Variants in TMEM129 observed in about 807,000 individuals in gnomAD.
TMEM129 encodes E3 ubiquitin-protein ligase TM129.
In TMEM129, 35 loss-of-function variants were observed where a neutral mutation model predicts 34.1. The observed-to-expected ratio is 1.03, with a 90% CI of 0.78 to 1.36. TMEM129 has a LOEUF of 1.36. TMEM129 is among the 40% of genes most tolerant of loss of function. The pLI is 0.00. For missense variants in TMEM129, 504 were observed against 512.6 expected, an observed-to-expected ratio of 0.98 and a Z score of 0.16; for synonymous variants, 239 against 217.3, an observed-to-expected ratio of 1.10 and a Z score of -0.88.
chr4:1,718,761 C>T (rs904611458), intron 1 of TMEM129, 135 bp from the exon 2 acceptor site: 19 of 1,411,580 alleles, frequency 1.3e-5, no homozygotes, highest in Non-Finnish European at 1.7e-5. Context: ...CCACTCTGCA[C>T]TTCCCCAGCC....
Position 1,718,377 on chromosome 4 carries a change from A to G in TMEM129, c.455T>C (p.Ile152Thr). ...ASSVNTEFRRIDKFATGAPGA... is the reference protein window; with the variant it reads ...ASSVNTEFRRTDKFATGAPGA... ...TGGTGCACCGGTGGCAAACTTGTCA[A>G]TCCGCCGGAACTCAGTGTTGACAGA... Residue 152 changes from isoleucine (I) to threonine (T), a missense_variant, in exon 2 of 4, where the codon ATT becomes ACT. Coordinates refer to ENST00000382936, the MANE Select transcript of TMEM129 (RefSeq NM_001127266.2). 1.9e-6 allele frequency: 3 copies of G among 1,611,784 alleles called. No individual in the cohort carries two copies. Among genetic ancestry groups the G allele is most frequent in the Non-Finnish European group, 2.5e-6 (3 of 1,179,174 alleles).
intron 2 of TMEM129, 142 bp downstream of exon 2, chr4:1,718,010 A>G: frequency 1.3e-6 from 1 of 798,506 alleles, no homozygotes; most frequent in Non-Finnish European, 1.9e-6. Context: ...TGTCTTGTGG[A>G]CACCTTGCCT....
Position 1,720,627 on chromosome 4 carries a change from C to T in TMEM129, c.205+6G>A. 6.5e-7 allele frequency: 1 copy of T among 1,537,220 alleles called. No homozygotes were observed. The highest frequency in any genetic ancestry group is 2.5e-5 in the East Asian group (1 of 40,726). On this transcript the variant is annotated splice_donor_region_variant and intron_variant, in intron 1 of 3. Coordinates refer to ENST00000382936, the MANE Select transcript of TMEM129 (RefSeq NM_001127266.2). The surrounding 1 kb of genome is among the most constrained non-coding windows in gnomAD (Gnocchi z 4.4). ...GGATGCGGCCGGCCGGCCCGAGCAGCCTCACCGAGCGGCAGCAGCGAGTGG... is the reference window on the plus strand; with the variant it reads ...GGATGCGGCCGGCCGGCCCGAGCAGTCTCACCGAGCGGCAGCAGCGAGTGG...
At position 1,718,613 on chromosome 4, in the gene TMEM129, G is replaced by T; in HGVS notation, c.219C>A (p.Gly73=). The part of the protein sequence containing the change: ...HSLLPLGYYV[G]MCLAASEKRL... ...GCTTTTCTGAAGCCGCAAGGCACAT[G>T]CCCACATAGTAGCCTGCAAAGGACA... Residue 73 remains glycine, a synonymous_variant, in exon 2 of 4, where the codon GGC becomes GGA. Transcript: ENST00000382936. 1 of 1,455,392 alleles carries T rather than the reference G, an allele frequency of 6.9e-7. No individual in the cohort carries two copies. The highest frequency in any genetic ancestry group is 9.1e-7 in the Non-Finnish European group (1 of 1,103,094). The allele number at this position is 1,455,392 out of a possible 1,614,324, so 90.2% of individuals were successfully genotyped here. A position where few individuals can be genotyped will look rare whatever the true frequency, so the allele number is the denominator to read the frequency against.
At position 1,719,568 on chromosome 4, in the gene TMEM129, G is replaced by A. The variant is rs1159819535; in HGVS notation, c.206-942C>T. Among the ~76,000 whole-genome samples the A allele has an allele frequency of 2.0e-5, 3 of 152,182 alleles. No homozygotes were observed. In the East Asian group the frequency reaches 5.8e-4, roughly 29 times the overall value. On this transcript the variant is annotated intron_variant, in intron 1 of 3. Coordinates refer to ENST00000382936, the MANE Select transcript of TMEM129 (RefSeq NM_001127266.2). ...AGGTAACTAATACCTAATAAAGCTT[G>A]AAAACTTTCAAACTAAGTTAAAAAT...
Position 1,717,544 on chromosome 4 carries a change from T to C in TMEM129, c.812A>G (p.Asn271Ser). Residue 271 changes from asparagine to serine, a missense_variant, in exon 3 of 4, where the codon AAC (asparagine) becomes AGC (serine). By Grantham distance (46) the Asn-to-Ser change is conservative (BLOSUM62 1). Transcript: ENST00000382936. ...GCTGCTGGGCACTGAGTAGGCCGGGTTGACCTCTACCAGGGAGGCAAATGT... is the reference window on the plus strand; with the variant it reads ...GCTGCTGGGCACTGAGTAGGCCGGGCTGACCTCTACCAGGGAGGCAAATGT... Reference protein sequence around the residue: ...LETFASLVEVNPAYSVPSSQE... With the variant: ...LETFASLVEVSPAYSVPSSQE... 1 of 1,544,738 alleles carries C rather than the reference T, an allele frequency of 6.5e-7. No homozygotes were observed. Among genetic ancestry groups the C allele is most frequent in the Non-Finnish European group, 8.7e-7 (1 of 1,143,288 alleles).
rs1717081500 is a variant in TMEM129 at position 1,718,287 on chromosome 4, G to A, written c.545C>T (p.Ala182Val). The A allele has an allele frequency of 6.2e-7, 1 of 1,612,854 alleles. No individual in the cohort carries two copies. The highest frequency in any genetic ancestry group is 1.3e-5 in the African/African-American group (1 of 74,928). ...MKVTTYRVHV[A>V]QQQDVHLTVT... ...AGTCAGGTGCACGTCCTGCTGCTGG[G>A]CCACGTGCACTCGGTAGGTGGTTAC... The change falls in exon 2 of 4, where the codon GCC becomes GTC. Residue 182 changes from alanine (A) to valine (V), a missense_variant. Transcript: ENST00000382936.
At position 1,717,588 on chromosome 4, in the gene TMEM129, C is replaced by T; in HGVS notation, c.768G>A (p.Leu256=). The T allele has an allele frequency of 6.5e-7, 1 of 1,550,052 alleles. No individual in the cohort carries two copies. The highest frequency in any genetic ancestry group is 8.7e-7 in the Non-Finnish European group (1 of 1,146,438). The change falls in exon 3 of 4, where the codon CTG becomes CTA. Residue 256 remains leucine, a synonymous_variant. Coordinates refer to ENST00000382936, the MANE Select transcript of TMEM129 (RefSeq NM_001127266.2). ...RAAHVVIHQS[L]GDLFLETFAS... ...CAAATGTCTCCAGGAACAGGTCGCC[C>T]AGGCTCTGGTGGATGACCACATGGG...
rs919327610 is a variant in TMEM129 at position 1,717,075 on chromosome 4, T to C, written c.*105A>G. ...GGCAGAGGCGAGTTGCTCTACATCATGTGCTTTAAGTAGAGCCCTTTGCCA... is the reference window on the plus strand; with the variant it reads ...GGCAGAGGCGAGTTGCTCTACATCACGTGCTTTAAGTAGAGCCCTTTGCCA... On this transcript the variant is annotated 3_prime_UTR_variant, in exon 4 of 4. Transcript: ENST00000382936. 2 of 1,311,224 alleles carry C rather than the reference T, an allele frequency of 1.5e-6. No individual in the cohort carries two copies. The highest frequency in any genetic ancestry group is 3.0e-5 in the African/African-American group (2 of 66,402). The allele number at this position is 1,311,224 out of a possible 1,614,324, so 81.2% of individuals were successfully genotyped here. A position where few individuals can be genotyped will look rare whatever the true frequency, so the allele number is the denominator to read the frequency against.
In TMEM129 at chr4:1,721,058, C is replaced by T. The variant is rs1717309330; in HGVS notation, c.-221G>A. ...CGGGGCACTCTAGGACATGGAGTCC[C>T]GCCGCCCGGCCGCCCGCGGGGCACT... On this transcript the variant is annotated 5_prime_UTR_variant, in exon 1 of 4. Transcript: ENST00000382936. The T allele has an allele frequency of 3.4e-6, 1 of 293,310 alleles. No homozygotes were observed. The highest frequency in any genetic ancestry group is 2.2e-5 in the African/African-American group (1 of 44,666). The allele number at this position is 293,310 out of a possible 1,614,324, so 18.2% of individuals were successfully genotyped here.
At position 1,717,980 on chromosome 4, in the gene TMEM129, C is replaced by T. The variant is rs1435791293; in HGVS notation, c.680+172G>A. ...CAGGGGGACCCGAGGGAGGGCTATG[C>T]GGGAGGGCTCAGTGACTGGTGTCTT... On this transcript the variant is annotated intron_variant, in intron 2 of 3. Coordinates refer to ENST00000382936, the MANE Select transcript of TMEM129 (RefSeq NM_001127266.2). 1.7e-5 allele frequency: 12 copies of T among 700,276 alleles called. No individual in the cohort carries two copies. In the East Asian group the frequency reaches 2.5e-4, roughly 14 times the overall value. 43.4% of individuals were successfully genotyped at this position (700,276 alleles called of 1,614,324 possible). A position where few individuals can be genotyped will look rare whatever the true frequency, so the allele number is the denominator to read the frequency against.
intron 3 of TMEM129, 27 bp downstream of exon 3, chr4:1,717,489 C>T (rs2108673628): frequency 1.3e-6 from 2 of 1,501,298 alleles, no homozygotes; most frequent in Non-Finnish European, 1.8e-6. Flanking sequence ...CCCACCCATC[C>T]ACCCGGCCCT....
Position 1,718,232 on chromosome 4 carries a change from C to A in TMEM129, c.600G>T (p.Ser200=). The A allele has an allele frequency of 2.5e-6, 4 of 1,603,406 alleles. No individual in the cohort carries two copies. Among genetic ancestry groups the A allele is most frequent in the Non-Finnish European group, 3.4e-6 (4 of 1,175,082 alleles). Residue 200 remains serine, a synonymous_variant, in exon 2 of 4, where the codon TCG becomes TCT. Coordinates refer to ENST00000382936, the MANE Select transcript of TMEM129 (RefSeq NM_001127266.2). ...TVTESRQHEL[S]PDSNLPVQLL... ...GCTGCACGGGCAAGTTCGAGTCTGGCGAGAGCTCATGCTGCCGAGACTCCG... is the reference window on the plus strand; with the variant it reads ...GCTGCACGGGCAAGTTCGAGTCTGGAGAGAGCTCATGCTGCCGAGACTCCG...
intron 1 of TMEM129, chr4:1,719,162 G>T (rs1717142387): frequency 2.7e-6 from 2 of 748,968 alleles, no homozygotes; most frequent in Non-Finnish European, 4.0e-6. Flanking sequence ...TGGAGATGGT[G>T]AGGAGTTGCA....
Position 1,718,388 on chromosome 4 carries a change from C to G in TMEM129, c.444G>C (p.Glu148Asp), listed in dbSNP as rs1003066759. 3 of 1,610,522 alleles carry G rather than the reference C, an allele frequency of 1.9e-6. No individual in the cohort carries two copies. The highest frequency in any genetic ancestry group is 1.7e-5 in the Admixed American group (1 of 59,684). The change falls in exon 2 of 4, where the codon GAG (glutamate) becomes GAC (aspartate). Residue 148 changes from glutamate (E) to aspartate (D), a missense_variant. Physicochemically the swap from Glu to Asp is conservative, Grantham distance 45 (BLOSUM62 2). Transcript: ENST00000382936. ...WQAVASSVNT[E>D]FRRIDKFATG... The stretch of plus-strand genomic sequence containing the variant: ...TGGCAAACTTGTCAATCCGCCGGAA[C>G]TCAGTGTTGACAGAGGAGGCAACAG...
Position 1,718,249 on chromosome 4 carries a change from G to C in TMEM129, c.583C>G (p.Arg195Gly). 1 of 1,608,726 alleles carries C rather than the reference G, an allele frequency of 6.2e-7. No individual in the cohort carries two copies. Among genetic ancestry groups the C allele is most frequent in the South Asian group, 1.1e-5 (1 of 90,088 alleles). ...GAGTCTGGCGAGAGCTCATGCTGCC[G>C]AGACTCCGTCACAGTCAGGTGCACG... ...QDVHLTVTES[R>G]QHELSPDSNL... Residue 195 changes from arginine to glycine, a missense_variant, in exon 2 of 4, where the codon CGG becomes GGG. Arg to Gly is a moderately radical substitution (Grantham distance 125, BLOSUM62 -2). Transcript: ENST00000382936.
At position 1,716,928 on chromosome 4, in the gene TMEM129, A is replaced by G. The variant is rs1716988140; in HGVS notation, c.*252T>C. On this transcript the variant is annotated 3_prime_UTR_variant, in exon 4 of 4. Coordinates refer to ENST00000382936, the MANE Select transcript of TMEM129 (RefSeq NM_001127266.2). ...TGCAGGATCTGCCCCCACCAGCAGG[A>G]AAGGGGCAGGAGGGAGGCAAAGAGG... The G allele has an allele frequency of 2.5e-6, 1 of 407,322 alleles. No homozygotes were observed. The highest frequency in any genetic ancestry group is 2.0e-5 in the African/African-American group (1 of 48,948). The allele number at this position is 407,322 out of a possible 1,614,324, so 25.2% of individuals were successfully genotyped here.
In TMEM129 at chr4:1,717,008, G is replaced by T; in HGVS notation, c.*172C>A. ...AAGCAGGGTGGGGTGTTTTCATGAG[G>T]ATTGCTTTTAACCAAAAGTCCTCAG... On this transcript the variant is annotated 3_prime_UTR_variant, in exon 4 of 4. Coordinates refer to ENST00000382936, the MANE Select transcript of TMEM129 (RefSeq NM_001127266.2). 4.8e-6 allele frequency: 4 copies of T among 824,986 alleles called. No individual in the cohort carries two copies. In the South Asian group the frequency reaches 1.3e-4, roughly 27 times the overall value. 51.1% of individuals were successfully genotyped at this position (824,986 alleles called of 1,614,324 possible).
At chr4:1,717,704 C>T in intron 2 of TMEM129, 29 bp from the exon 3 acceptor site, 2 of 1,474,262 alleles carry the variant, frequency 1.4e-6, no homozygotes, top group Non-Finnish European at 1.8e-6. Context: ...CTGGGCCCCT[C>T]TGCAGGGCAA....
Sources: allele counts gnomAD v4.1 joint callset (sites outside exome capture counted in the v4.1 genomes callset), GRCh38; gene constraint gnomAD v4.1.1; non-coding constraint Gnocchi (gnomAD v3.1); transcripts MANE v1.5; gene names NCBI Gene and HGNC (gene_info 2026-07-23, HGNC 2026-07-21).